SMARCD2: variants seen among roughly 807,000 people sequenced by gnomAD.
SMARCD2 encodes SWI/SNF related BAF chromatin remodeling complex subunit D2.
SMARCD2 carries 39 observed loss-of-function variants against 70.4 expected under a neutral mutation model. That is an observed-to-expected ratio of 0.55 (90% CI 0.43 to 0.72). The LOEUF is 0.72. Among genes scored for constraint, SMARCD2 ranks in the 30% least tolerant of loss-of-function variants. The probability of loss-of-function intolerance (pLI) is 0.00; values close to 1 mark genes in which losing one functional copy is unlikely to be tolerated. For missense variants in SMARCD2, 540 were observed against 713.4 expected, an observed-to-expected ratio of 0.76 and a Z score of 2.77; for synonymous variants, 249 against 279.4, an observed-to-expected ratio of 0.89 and a Z score of 1.08.
At chr17:63,836,354 C>T (rs1041405254) in intron 4 of SMARCD2, among the ~76,000 whole-genome samples, 9 of 151,716 alleles carry the variant, frequency 5.9e-5, no homozygotes, top group Non-Finnish European at 1.0e-4. Context: ...AAAAATTAGC[C>T]GGGCGTGGTG....
intron 5 of SMARCD2, 109 bp downstream of exon 5, chr17:63,835,303 T>C: frequency 1.7e-6 from 2 of 1,190,638 alleles, no homozygotes; most frequent in East Asian, 5.0e-5. Context: ...TTAAATTTTT[T>C]GTAGAGATGG....
rs776693829 is a variant in SMARCD2 at position 63,834,022 on chromosome 17, A to G, written c.1084-16T>C. ...AACTGAAGATCTGGAGGAAATACGA[A>G]AGGCTCAGCGTTGGCTTGTGGGCAC... On this transcript the variant is annotated splice_polypyrimidine_tract_variant and intron_variant, in intron 8 of 12. Transcript: ENST00000448276. This position sits in a 1 kb window ranked among gnomAD's most constrained non-coding sequence, Gnocchi z 5.6. 1 of 1,610,414 alleles carries G rather than the reference A, an allele frequency of 6.2e-7. No homozygotes were observed. Among genetic ancestry groups the G allele is most frequent in the Admixed American group, 1.7e-5 (1 of 60,000 alleles).
intron 5 of SMARCD2, 146 bp downstream of exon 5, chr17:63,835,266 G>A (rs2040250881): frequency 1.4e-6 from 1 of 734,366 alleles, no homozygotes; most frequent in Non-Finnish European, 2.2e-6. Flanking sequence ...GGGACTACAG[G>A]TGCATGCCAC....
At chr17:63,841,995 G>A (rs936270275) in intron 1 of SMARCD2, among the ~76,000 whole-genome samples, 2 of 152,218 alleles carry the variant, frequency 1.3e-5, no homozygotes, top group South Asian at 2.1e-4. Context: ...TAGCAGCCGG[G>A]AGCCATCTCA....
chr17:63,835,517 C>A lies in SMARCD2; in HGVS notation c.618G>T (p.Lys206Asn). Residue 206 changes from lysine to asparagine, a missense_variant, in exon 5 of 13, where the codon AAG (lysine) becomes AAT (asparagine). Lys to Asn is a moderately conservative substitution (Grantham distance 94). Coordinates refer to ENST00000448276, the MANE Select transcript of SMARCD2 (RefSeq NM_001098426.2). ...IYISNTFSPS[K>N]AEGDSAGTAG... ...CAGTTCCTGCACTATCGCCTTCCGC[C>A]TTGCTGGGACTGAACGTATTGGAAA... The A allele has an allele frequency of 6.2e-7, 1 of 1,614,074 alleles. No homozygotes were observed.
chr17:63,833,224 C>A lies in SMARCD2; in HGVS notation c.1441-54G>T. 6.2e-7 allele frequency: 1 copy of A among 1,609,578 alleles called. No individual in the cohort carries two copies. The highest frequency in any genetic ancestry group is 8.5e-7 in the Non-Finnish European group (1 of 1,176,138). ...CATAATCCCCACCCCTGGGCTAATC[C>A]ACCCTGGGAACTGCTGTGGGTAAAA... On this transcript the variant is annotated intron_variant, in intron 11 of 12. Transcript: ENST00000448276. The surrounding 1 kb of genome is among the most constrained non-coding windows in gnomAD (Gnocchi z 4.3).
At position 63,842,482 on chromosome 17, in the gene SMARCD2, CGGGGCCCAT is replaced by C. The variant is rs1904509280; in HGVS notation, c.184_192del (p.Met62_Pro64del). On this transcript the variant is annotated inframe_deletion, in exon 1 of 13. Transcript: ENST00000448276. ...ACCTGGTACTGCGCCGCGGGGCCCG[CGGGGCCCAT>C]GGGGCGGAAGGCGGCGGCCCCGGGG... 15 of 1,250,396 alleles carry C rather than the reference CGGGGCCCAT, an allele frequency of 1.2e-5. No individual in the cohort carries two copies. Among genetic ancestry groups the C allele is most frequent in the African/African-American group, 1.6e-5 (1 of 63,652 alleles). 77.5% of individuals were successfully genotyped at this position (1,250,396 alleles called of 1,614,324 possible).
In SMARCD2 at chr17:63,833,240, G is replaced by A; in HGVS notation, c.1440+58C>T. On this transcript the variant is annotated intron_variant, in intron 11 of 12. Transcript: ENST00000448276. This position sits in a 1 kb window ranked among gnomAD's most constrained non-coding sequence, Gnocchi z 4.3. The stretch of plus-strand genomic sequence containing the variant: ...GGGCTAATCCACCCTGGGAACTGCT[G>A]TGGGTAAAAATCACCCAGAGCTTTA... 6.2e-7 allele frequency: 1 copy of A among 1,611,762 alleles called. No individual in the cohort carries two copies.
At position 63,833,328 on chromosome 17, in the gene SMARCD2, T is replaced by C. The variant is rs2040218791; in HGVS notation, c.1410A>G (p.Glu470=). 8 of 1,613,834 alleles carry C rather than the reference T, an allele frequency of 5.0e-6. No homozygotes were observed. Among genetic ancestry groups the C allele is most frequent in the Non-Finnish European group, 6.8e-6 (8 of 1,179,888 alleles). Residue 470 remains glutamate, a synonymous_variant, in exon 11 of 13, where the codon GAA becomes GAG. Coordinates refer to ENST00000448276, the MANE Select transcript of SMARCD2 (RefSeq NM_001098426.2). The surrounding 1 kb of genome is among the most constrained non-coding windows in gnomAD (Gnocchi z 4.3). ...GGTCTCGGCGCTGGGAACGGAGCCA[T>C]TCCTGGATGAAGTCCTGGGGGTCGG... is the stretch of plus-strand genomic sequence containing the variant. ...FSTDPQDFIQ[E]WLRSQRRDLK...
intron 4 of SMARCD2, among the ~76,000 whole-genome samples, chr17:63,836,129 G>C (rs576349698): frequency 6.6e-5 from 10 of 152,176 alleles, no homozygotes; most frequent in Admixed American, 3.3e-4. Flanking sequence ...CCAGTCTCTG[G>C]CTCACATCTT....
Position 63,832,890 on chromosome 17 carries a change from G to GT in SMARCD2, c.*47dup, listed in dbSNP as rs1434067066. On this transcript the variant is annotated 3_prime_UTR_variant, in exon 13 of 13. Transcript: ENST00000448276. ...TGCGGCCCCAGCAAGGACCCAGAGG[G>GT]TGGTCTCCCTCCAGGCTCCAGGGCT... 6.6e-7 allele frequency: 1 copy of GT among 1,524,944 alleles called. No homozygotes were observed. Among genetic ancestry groups the GT allele is most frequent in the South Asian group, 1.2e-5 (1 of 83,524 alleles). 94.5% of individuals were successfully genotyped at this position (1,524,944 alleles called of 1,614,324 possible).
rs201992848 is a variant in SMARCD2, at chr17:63,833,947, C to T, written c.1143G>A (p.Leu381=). 4 of 1,613,650 alleles carry T rather than the reference C, an allele frequency of 2.5e-6. No individual in the cohort carries two copies. The African/African-American group carries it at 4.0e-5, about 16-fold the overall frequency. The change falls in exon 9 of 13, where the codon CTG becomes CTA. Residue 381 remains leucine (L), a synonymous_variant. Coordinates refer to ENST00000448276, the MANE Select transcript of SMARCD2 (RefSeq NM_001098426.2). The surrounding 1 kb of genome is among the most constrained non-coding windows in gnomAD (Gnocchi z 4.3). ...TGATGACAATGGGGTCTGGATGCTG[C>T]AGCAACCCTGCCAGCTTCATGGGAA... ...SEIPMKLAGL[L]QHPDPIVINH...
intron 1 of SMARCD2, chr17:63,839,326 T>G: frequency 2.8e-6 from 2 of 710,038 alleles, no homozygotes; most frequent in Non-Finnish European, 3.5e-6. Flanking sequence ...GCTGCAGTGT[T>G]CACAAAACCT....
rs1448635511 is a variant in SMARCD2 at position 63,832,953 on chromosome 17, T to A, written c.1581A>T (p.Gly527=). Reference sequence around the variant, plus strand: ...CCCTGAGCAGTTAGGTCAGGCGAATTCCCAGCACCTGTTCCAGTTCCTGCC... The same window carrying A: ...CCCTGAGCAGTTAGGTCAGGCGAATACCCAGCACCTGTTCCAGTTCCTGCC... ...QRRQELEQVL[G]IRLT The change falls in exon 13 of 13, where the codon GGA becomes GGT. Residue 527 remains glycine (G), a synonymous_variant. Transcript: ENST00000448276. 2.5e-6 allele frequency: 4 copies of A among 1,572,694 alleles called. No individual in the cohort carries two copies. Among genetic ancestry groups the A allele is most frequent in the Non-Finnish European group, 3.4e-6 (4 of 1,160,530 alleles).
rs764689561 is a variant in SMARCD2, at chr17:63,834,771, T to A, written c.753A>T (p.Ser251=). 1.2e-6 allele frequency: 2 copies of A among 1,613,668 alleles called. No homozygotes were observed. Among genetic ancestry groups the A allele is most frequent in the East Asian group, 2.2e-5 (1 of 44,850 alleles). ...DPSKQKRKFS[S]FFKSLVIELD... is the part of the protein sequence containing the mutation. Reference sequence around the variant, plus strand: ...GCTCAATGACGAGGCTCTTAAAGAATGAAGAAAACTTCCTCTTCTGTTTGC... The same window carrying A: ...GCTCAATGACGAGGCTCTTAAAGAAAGAAGAAAACTTCCTCTTCTGTTTGC... Residue 251 remains serine, a synonymous_variant, in exon 6 of 13, where the codon TCA becomes TCT. Transcript: ENST00000448276. This position sits in a 1 kb window ranked among gnomAD's most constrained non-coding sequence, Gnocchi z 5.6.
chr17:63,837,237 C>T lies in SMARCD2; in HGVS notation c.402G>A (p.Gly134=), dbSNP rs2040277077. 6.2e-7 allele frequency: 1 copy of T among 1,613,676 alleles called. No individual in the cohort carries two copies. Among genetic ancestry groups the T allele is most frequent in the South Asian group, 1.1e-5 (1 of 91,072 alleles). ...TATCTGCCATCTTCCTCCTCTTTAACCTGGGGAGGACAGAAACCCACTTAA... is the reference window on the plus strand; with the variant it reads ...TATCTGCCATCTTCCTCCTCTTTAATCTGGGGAGGACAGAAACCCACTTAA... ...AQPPMPAQRR[G]LKRRKMADKV... is the part of the protein sequence containing the mutation. The change falls in exon 3 of 13, where the codon GGG becomes GGA. Residue 134 remains glycine (G), a splice_region_variant and synonymous_variant. Coordinates refer to ENST00000448276, the MANE Select transcript of SMARCD2 (RefSeq NM_001098426.2). This position sits in a 1 kb window ranked among gnomAD's most constrained non-coding sequence, Gnocchi z 6.4.
At chr17:63,836,863 C>A in intron 4 of SMARCD2, 59 bp downstream of exon 4, 1 of 1,570,690 alleles carries the variant, frequency 6.4e-7, no homozygotes, top group Non-Finnish European at 8.7e-7. Context: ...CCCTGGAAAA[C>A]AAGGGGGTGG....
At chr17:63,839,600 A>C (rs574043740) in intron 1 of SMARCD2, among the ~76,000 whole-genome samples, 1 of 152,202 alleles carries the variant, frequency 6.6e-6, no homozygotes, top group South Asian at 2.1e-4. Context: ...CAAACAAAAA[A>C]AAACAACTCA....
At position 63,837,502 on chromosome 17, in the gene SMARCD2, G is replaced by C. The variant is rs2040281061; in HGVS notation, c.340C>G (p.Pro114Ala). The change falls in exon 2 of 13, where the codon CCA (proline) becomes GCA (alanine). Residue 114 changes from proline (P) to alanine (A), a missense_variant. By Grantham distance (27) the Pro-to-Ala change is conservative (BLOSUM62 -1). Transcript: ENST00000448276. This position sits in a 1 kb window ranked among gnomAD's most constrained non-coding sequence, Gnocchi z 6.4. ...RPGMPPTMMD[P>A]FRKRLLVPQA... ...GGCACAAGCAGGCGTTTTCGGAATGGATCCATCATGGTGGGTGGCATGCCA... is the reference window on the plus strand; with the variant it reads ...GGCACAAGCAGGCGTTTTCGGAATGCATCCATCATGGTGGGTGGCATGCCA... 1 of 1,600,688 alleles carries C rather than the reference G, an allele frequency of 6.2e-7. No individual in the cohort carries two copies. The highest frequency in any genetic ancestry group is 8.5e-7 in the Non-Finnish European group (1 of 1,171,812).
Sources: gnomAD v4.1 joint callset for allele counts (sites outside exome capture counted in the v4.1 genomes callset) on GRCh38, gnomAD v4.1.1 for gene constraint, Gnocchi (gnomAD v3.1) non-coding constraint, MANE v1.5 for transcripts, NCBI Gene and HGNC (gene_info 2026-07-23, HGNC 2026-07-21) for gene names.